The following SLC17A5 variants were observed in gnomAD, a reference collection of about 807,000 sequenced individuals.
The protein encoded by SLC17A5 is solute carrier family 17 member 5, also known as sialin.
SLC17A5 carries 47 observed loss-of-function variants against 59.4 expected under a neutral mutation model. The ratio of observed to expected loss-of-function variants is 0.79; its 90% CI spans 0.63 to 1.01. The LOEUF is 1.01. SLC17A5 is among the 50% of genes least tolerant of loss of function. SLC17A5 has a pLI of 0.00. For synonymous variants in SLC17A5, 202 were observed against 210.7 expected (o/e 0.96, Z 0.36); for missense variants, 522 against 595.5 (o/e 0.88, Z 1.28).
intron 7 of SLC17A5, among the ~76,000 whole-genome samples, chr6:73,621,091 C>T (rs558577638): frequency 3.9e-5 from 6 of 152,016 alleles, no homozygotes; most frequent in African/African-American, 1.4e-4. Context: ...CCACAATTTC[C>T]GCTTCCCGGG....
chr6:73,639,029 T>C (rs1400318376), intron 3 of SLC17A5, among the ~76,000 whole-genome samples: 3 of 152,132 alleles, frequency 2.0e-5, no homozygotes, highest in Non-Finnish European at 2.9e-5. Flanking sequence ...TTTGGGATAC[T>C]GAAAAAAAAT....
At chr6:73,644,222 T>C (rs1769432085) in intron 2 of SLC17A5, among the ~76,000 whole-genome samples, 185 bp downstream of exon 2, 1 of 152,200 alleles carries the variant, frequency 6.6e-6, no homozygotes, top group Non-Finnish European at 1.5e-5. Flanking sequence ...TATTACGGCA[T>C]AGCAGTAGTA....
At chr6:73,650,326 G>A (rs1172747429) in intron 1 of SLC17A5, among the ~76,000 whole-genome samples, 2 of 151,518 alleles carry the variant, frequency 1.3e-5, no homozygotes, top group African/African-American at 4.8e-5. Flanking sequence ...TGGCTAACAC[G>A]GTGAAACCCC....
Position 73,653,969 on chromosome 6 carries a change from G to A in SLC17A5, c.-83C>T. On this transcript the variant is annotated 5_prime_UTR_variant, in exon 1 of 11. Coordinates refer to ENST00000355773, the MANE Select transcript of SLC17A5 (RefSeq NM_012434.5). ...CAGCCCGAAGCCCCCGGGCCGAGCT[G>A]GCTGGACCGGGCGGGGCGGGGGCGA... 1 of 1,264,618 alleles carries A rather than the reference G, an allele frequency of 7.9e-7. No individual in the cohort carries two copies. The highest frequency in any genetic ancestry group is 1.5e-5 in the African/African-American group (1 of 66,464). The allele number at this position is 1,264,618 out of a possible 1,614,324, so 78.3% of individuals were successfully genotyped here.
In SLC17A5 at chr6:73,636,700, C is replaced by T. The variant is rs1240704445; in HGVS notation, c.621G>A (p.Gln207=). The change falls in exon 5 of 11, where the codon CAG becomes CAA. Residue 207 remains glutamine (Q), a synonymous_variant. Transcript: ENST00000355773. ...GAGGAAGAGAAATTACTGTCCCAAG[C>T]TGTGCTCCTAGAACAACACATAAGA... ...KLLSISYAGA[Q]LGTVISLPLS... is the part of the protein sequence containing the mutation. 1 of 1,608,506 alleles carries T rather than the reference C, an allele frequency of 6.2e-7. No homozygotes were observed. Among genetic ancestry groups the T allele is most frequent in the East Asian group, 2.2e-5 (1 of 44,846 alleles).
intron 8 of SLC17A5, 42 bp from the exon 9 acceptor site, chr6:73,610,589 T>A: frequency 1.2e-6 from 2 of 1,604,560 alleles, no homozygotes; most frequent in Non-Finnish European, 1.7e-6. Context: ...CACCCAGCAT[T>A]AATATTTGCT....
Position 73,653,901 on chromosome 6 carries a change from C to G in SLC17A5, c.-15G>C. Reference sequence around the variant, plus strand: ...GGAGACCTCATGACGCCTACGTGAGCAGGTGTACTCGCCACCTGGCAGAGA... The same window carrying G: ...GGAGACCTCATGACGCCTACGTGAGGAGGTGTACTCGCCACCTGGCAGAGA... On this transcript the variant is annotated 5_prime_UTR_variant, in exon 1 of 11. Transcript: ENST00000355773. 6.3e-7 allele frequency: 1 copy of G among 1,594,714 alleles called. No homozygotes were observed. The highest frequency in any genetic ancestry group is 8.5e-7 in the Non-Finnish European group (1 of 1,170,322).
At chr6:73,619,974 A>AGTGCAATG in intron 7 of SLC17A5, among the ~76,000 whole-genome samples, 1 of 130,964 alleles carries the variant, frequency 7.6e-6, no homozygotes, top group Non-Finnish European at 1.5e-5. Flanking sequence ...CCCAGGCTGG[A>AGTGCAATG]GTGCAATGGC....
intron 1 of SLC17A5, among the ~76,000 whole-genome samples, chr6:73,647,010 T>A (rs765013734): frequency 2.0e-5 from 3 of 152,100 alleles, no homozygotes; most frequent in Non-Finnish European, 4.4e-5. Context: ...CTGTGTCAGG[T>A]GATATTACCT....
chr6:73,603,417 CCTCT>C (rs1176829821), intron 9 of SLC17A5, among the ~76,000 whole-genome samples: 1 of 127,950 alleles, frequency 7.8e-6, no homozygotes, highest in Non-Finnish European at 1.6e-5. Flanking sequence ...AAAATTGCTG[CCTCT>C]TTTTTTTTTT....
chr6:73,610,310 A>G, intron 9 of SLC17A5, 90 bp downstream of exon 9: 1 of 1,470,350 alleles, frequency 6.8e-7, no homozygotes, highest in Non-Finnish European at 9.4e-7. Flanking sequence ...CTGGGATTAC[A>G]GGTGTGAGTC....
rs368374093 is a variant in SLC17A5, at chr6:73,641,329, T to C, written c.525+362A>G. Among the ~76,000 whole-genome samples the C allele has an allele frequency of 4.6e-5, 7 of 152,282 alleles. No homozygotes were observed. The East Asian group carries it at 1.2e-3, about 25-fold the overall frequency. ...CCTAACCTCAAGTGATCCACCTACC[T>C]TGGCCTCCCAAAATGCTGGGATTAC... On this transcript the variant is annotated intron_variant, in intron 3 of 10. Coordinates refer to ENST00000355773, the MANE Select transcript of SLC17A5 (RefSeq NM_012434.5).
intron 9 of SLC17A5, among the ~76,000 whole-genome samples, chr6:73,604,225 T>C (rs1315113238): frequency 3.9e-5 from 6 of 152,108 alleles, no homozygotes; most frequent in Non-Finnish European, 7.4e-5. Context: ...AGATATTAAG[T>C]GCAGACGAAT....
intron 10 of SLC17A5, among the ~76,000 whole-genome samples, chr6:73,600,029 C>T (rs772646091): frequency 2.0e-5 from 3 of 152,054 alleles, no homozygotes; most frequent in Non-Finnish European, 4.4e-5. Flanking sequence ...CTCCTGACCT[C>T]GTGATCCACC....
Position 73,595,109 on chromosome 6 carries a change from C to T in SLC17A5, c.1456G>A (p.Ala486Thr). The change falls in exon 11 of 11, where the codon GCT (alanine) becomes ACT (threonine). Residue 486 changes from alanine (A) to threonine (T), a missense_variant. Coordinates refer to ENST00000355773, the MANE Select transcript of SLC17A5 (RefSeq NM_012434.5). The part of the protein sequence containing the change: ...LFAKGEVQNW[A>T]LNDHHGHRH ...CTGTGTCCATGGTGATCATTGAGAG[C>T]CCAGTTTTGTACTTCACCTTTGGCG... 1.2e-6 allele frequency: 2 copies of T among 1,614,044 alleles called. No homozygotes were observed. The highest frequency in any genetic ancestry group is 1.7e-6 in the Non-Finnish European group (2 of 1,180,000).
At chr6:73,644,997 GTAGTTTTAT>G (rs910277555) in intron 1 of SLC17A5, among the ~76,000 whole-genome samples, 2 of 152,146 alleles carry the variant, frequency 1.3e-5, no homozygotes, top group Non-Finnish European at 2.9e-5. Flanking sequence ...CATGGAGGTA[GTAGTTTTAT>G]CACCTTTGCT....
intron 9 of SLC17A5, among the ~76,000 whole-genome samples, chr6:73,604,109 A>G (rs1313367006): frequency 6.6e-6 from 1 of 152,100 alleles, no homozygotes. Flanking sequence ...GTGTATCTAA[A>G]TTAACCAAGC....
At chr6:73,597,783 A>G (rs1407998354) in intron 10 of SLC17A5, among the ~76,000 whole-genome samples, 4 of 152,070 alleles carry the variant, frequency 2.6e-5, no homozygotes, top group Non-Finnish European at 5.9e-5. Flanking sequence ...CCCTGTCTCA[A>G]AAAACAAAGA....
intron 7 of SLC17A5, among the ~76,000 whole-genome samples, chr6:73,621,016 A>AT (rs1554162724): frequency 1.4e-5 from 2 of 144,758 alleles, no homozygotes; most frequent in African/African-American, 5.2e-5. Context: ...TATTATTATT[A>AT]TTTTTTGAGA....
Sources: gnomAD v4.1 joint callset for allele counts (sites outside exome capture counted in the v4.1 genomes callset) on GRCh38, gnomAD v4.1.1 for gene constraint, MANE v1.5 for transcripts, NCBI Gene and HGNC (gene_info 2026-07-23, HGNC 2026-07-21) for gene names.